The following SGSM3 variants were observed in gnomAD, a reference collection of about 807,000 sequenced individuals.
SGSM3 encodes the protein RUN and SH3 containing 3.
In SGSM3, 96 loss-of-function variants were observed where a neutral mutation model predicts 100.5. The ratio of observed to expected loss-of-function variants is 0.96; its 90% CI spans 0.81 to 1.13. SGSM3 has a LOEUF of 1.13. Among genes scored for constraint, SGSM3 ranks in the 50% most tolerant of loss-of-function variants. The pLI, the probability that SGSM3 is intolerant of heterozygous loss-of-function variation, is 0.00. For synonymous variants in SGSM3, 483 were observed against 422.8 expected, an observed-to-expected ratio of 1.14 and a Z score of -1.75; for missense variants, 1,001 against 1,015.8, an observed-to-expected ratio of 0.99 and a Z score of 0.20.
intron 7 of SGSM3, 97 bp from the exon 8 acceptor site, chr22:40,405,552 A>C: frequency 1.7e-6 from 2 of 1,178,240 alleles, no homozygotes; most frequent in Non-Finnish European, 2.4e-6. Flanking sequence ...GTGCCCCCCA[A>C]GAGGCTTTTG....
At position 40,410,182 on chromosome 22, in the gene SGSM3, G is replaced by A; in HGVS notation, c.*423G>A. ...TCCAAGGTTCTGCCCTTCCTTGAGT[G>A]GTCTAGAAGGCACTGCGTGGCCCCT... On this transcript the variant is annotated 3_prime_UTR_variant, in exon 22 of 22. Coordinates refer to ENST00000248929, the MANE Select transcript of SGSM3 (RefSeq NM_015705.6). 1.9e-6 allele frequency: 2 copies of A among 1,075,236 alleles called. No individual in the cohort carries two copies. The highest frequency in any genetic ancestry group is 2.3e-6 in the Non-Finnish European group (2 of 887,670). The allele number at this position is 1,075,236 out of a possible 1,614,324, so 66.6% of individuals were successfully genotyped here. A position where few individuals can be genotyped will look rare whatever the true frequency, so the allele number is the denominator to read the frequency against.
At chr22:40,409,055 G>GT (rs2052143664) in intron 19 of SGSM3, 37 bp downstream of exon 19, 1 of 1,554,264 alleles carries the variant, frequency 6.4e-7, no homozygotes. Flanking sequence ...GAGCCCTGGA[G>GT]TGGGGGGACC....
chr22:40,403,890 G>C (rs928908506), intron 4 of SGSM3, among the ~76,000 whole-genome samples: 2 of 152,174 alleles, frequency 1.3e-5, no homozygotes, highest in African/African-American at 4.8e-5. Context: ...AGACGTAAAG[G>C]AATCCTGTGG....
chr22:40,379,121 A>G (rs2146782092), intron 1 of SGSM3, among the ~76,000 whole-genome samples: 1 of 152,286 alleles, frequency 6.6e-6, no homozygotes, highest in Admixed American at 6.5e-5. Context: ...GTGGTCTCTT[A>G]TTAATTTTTT....
chr22:40,372,412 A>C (rs1187850724), intron 1 of SGSM3, among the ~76,000 whole-genome samples: 1 of 152,160 alleles, frequency 6.6e-6, no homozygotes, highest in African/African-American at 2.4e-5. Flanking sequence ...GGCGTGAGCC[A>C]CCGTGCCTGG....
intron 1 of SGSM3, chr22:40,373,428 CTG>C (rs2045949506): frequency 1.3e-5 from 2 of 152,216 alleles, no homozygotes; most frequent in Admixed American, 6.5e-5. Context: ...ACCCTCAACT[CTG>C]TTGAAACTAC....
chr22:40,384,406 G>T (rs540345459), intron 1 of SGSM3, among the ~76,000 whole-genome samples: 10 of 152,294 alleles, frequency 6.6e-5, no homozygotes, highest in Admixed American at 1.3e-4. Context: ...GCACAGTGGT[G>T]TGCAGCTGTA....
At chr22:40,401,062 G>GT (rs1180954549) in intron 2 of SGSM3, among the ~76,000 whole-genome samples, 2 of 152,188 alleles carry the variant, frequency 1.3e-5, no homozygotes, top group African/African-American at 4.8e-5. Flanking sequence ...GGAAGATGAA[G>GT]TTTGGTCATG....
rs78574245 is a variant in SGSM3 at position 40,374,368 on chromosome 22, C to T, written c.-112+3680C>T. Among the ~76,000 whole-genome samples the T allele has an allele frequency of 8.9e-3, 1,360 of 152,242 alleles. 18 individuals are homozygous for T. Among genetic ancestry groups the T allele is most frequent in the African/African-American group, 0.031 (1,292 of 41,532 alleles). On this transcript the variant is annotated intron_variant, in intron 1 of 21. Transcript: ENST00000248929. ...GGTCTAGACTGTAGTGTCAAGACTG[C>T]GTGCTTAGGTATATACTTTTAGGGA...
At position 40,402,135 on chromosome 22, in the gene SGSM3, C is replaced by T; in HGVS notation, c.91-4C>T. The T allele has an allele frequency of 1.2e-6, 2 of 1,612,410 alleles. No homozygotes were observed. Among genetic ancestry groups the T allele is most frequent in the South Asian group, 1.1e-5 (1 of 91,054 alleles). ...AACTGACTTCAACCTCATCCTGATTCTAGAAGGAAGAGTCAGCAGAGCAAC... is the reference window on the plus strand; with the variant it reads ...AACTGACTTCAACCTCATCCTGATTTTAGAAGGAAGAGTCAGCAGAGCAAC... On this transcript the variant is annotated splice_polypyrimidine_tract_variant and splice_region_variant and intron_variant, in intron 3 of 21. Coordinates refer to ENST00000248929, the MANE Select transcript of SGSM3 (RefSeq NM_015705.6).
intron 1 of SGSM3, among the ~76,000 whole-genome samples, chr22:40,393,397 G>A (rs2049620947): frequency 6.6e-6 from 1 of 152,230 alleles, no homozygotes; most frequent in African/African-American, 2.4e-5. Flanking sequence ...GGGATTATAG[G>A]CGTGAGCCAC....
At chr22:40,408,514 C>T (rs1052770934) in intron 16 of SGSM3, 85 bp downstream of exon 16, 49 of 1,589,784 alleles carry the variant, frequency 3.1e-5, no homozygotes, top group Middle Eastern at 3.3e-4. Context: ...CTTCCTGCCC[C>T]ACAGAGAGGA....
chr22:40,408,050 C>G (rs779564527), intron 14 of SGSM3, 21 bp from the exon 15 acceptor site: 2 of 1,612,404 alleles, frequency 1.2e-6, no homozygotes, highest in South Asian at 1.1e-5. Flanking sequence ...TTGCTCCTTA[C>G]AGGGCCTGTT....
chr22:40,409,613 G>GTGTC (rs756376537), intron 21 of SGSM3, 69 bp from the exon 22 acceptor site: 2 of 1,613,516 alleles, frequency 1.2e-6, no homozygotes, highest in Admixed American at 1.7e-5. Context: ...CGAAGTGCTG[G>GTGTC]TGTCAGCGGT....
intron 1 of SGSM3, among the ~76,000 whole-genome samples, chr22:40,394,827 C>A (rs2049845024): frequency 6.6e-6 from 1 of 152,106 alleles, no homozygotes; most frequent in African/African-American, 2.4e-5. Context: ...CTGAGAGAGG[C>A]CTTCCCCAAC....
chr22:40,402,707 C>G (rs2050920093), intron 4 of SGSM3, among the ~76,000 whole-genome samples: 1 of 152,164 alleles, frequency 6.6e-6, no homozygotes, highest in Non-Finnish European at 1.5e-5. Context: ...CCACTGCACT[C>G]CAGCCTAGGC....
chr22:40,409,924 C>G lies in SGSM3; in HGVS notation c.*165C>G. 1 of 1,409,782 alleles carries G rather than the reference C, an allele frequency of 7.1e-7. No homozygotes were observed. The highest frequency in any genetic ancestry group is 9.2e-7 in the Non-Finnish European group (1 of 1,088,212). 87.3% of individuals were successfully genotyped at this position (1,409,782 alleles called of 1,614,324 possible). On this transcript the variant is annotated 3_prime_UTR_variant, in exon 22 of 22. Coordinates refer to ENST00000248929, the MANE Select transcript of SGSM3 (RefSeq NM_015705.6). ...CCCAGCACATCCCAGGTGGTGGGAG[C>G]AGAGGGTACCCTGCCCCACCAGGGT...
chr22:40,404,682 G>C lies in SGSM3; in HGVS notation c.474+18G>C. 6.4e-7 allele frequency: 1 copy of C among 1,571,300 alleles called. No individual in the cohort carries two copies. The highest frequency in any genetic ancestry group is 8.7e-7 in the Non-Finnish European group (1 of 1,145,322). Reference sequence around the variant, plus strand: ...CCAAGCAGGTGAGGCCGGTGGCACTGTGCAGGAAGAGCTGGAGGCTGTGTG... The same window carrying C: ...CCAAGCAGGTGAGGCCGGTGGCACTCTGCAGGAAGAGCTGGAGGCTGTGTG... On this transcript the variant is annotated intron_variant, in intron 6 of 21. Coordinates refer to ENST00000248929, the MANE Select transcript of SGSM3 (RefSeq NM_015705.6).
At position 40,404,338 on chromosome 22, in the gene SGSM3, C is replaced by T. The variant is rs745836964; in HGVS notation, c.249C>T (p.Phe83=). The T allele has an allele frequency of 1.2e-5, 19 of 1,595,222 alleles. No individual in the cohort carries two copies. Among genetic ancestry groups the T allele is most frequent in the East Asian group, 6.7e-5 (3 of 44,734 alleles). The change falls in exon 5 of 22, where the codon TTC becomes TTT. Residue 83 remains phenylalanine (F), a synonymous_variant. Transcript: ENST00000248929. The part of the protein sequence containing the change: ...QRLRWQAHLE[F]THNHDVGDLT... Reference sequence around the variant, plus strand: ...TGCGGTGGCAGGCCCACCTGGAGTTCACCCATAACCACGATGTGGGGGATC... The same window carrying T: ...TGCGGTGGCAGGCCCACCTGGAGTTTACCCATAACCACGATGTGGGGGATC...
Sources: gnomAD v4.1 joint callset for allele counts (sites outside exome capture counted in the v4.1 genomes callset) on GRCh38, gnomAD v4.1.1 for gene constraint, MANE v1.5 for transcripts, NCBI Gene and HGNC (gene_info 2026-07-23, HGNC 2026-07-21) for gene names.